The following DENND2B variants were observed in gnomAD, a reference collection of about 807,000 sequenced individuals.
The protein encoded by DENND2B is DENN domain containing 2B.
A neutral mutation model predicts 116.0 loss-of-function variants in DENND2B; 32 were observed. That is an observed-to-expected ratio of 0.28 (90% CI 0.21 to 0.37). DENND2B has a LOEUF of 0.37. DENND2B is among the 10% of genes least tolerant of loss of function. The probability of loss-of-function intolerance (pLI) is 1.00; values close to 1 mark genes in which losing one functional copy is unlikely to be tolerated. For missense variants in DENND2B, 1,276 were observed against 1,477.7 expected (o/e 0.86, Z 2.24); for synonymous variants, 588 against 583.9 (o/e 1.01, Z -0.10).
upstream of DENND2B, among the ~76,000 whole-genome samples, chr11:8,815,478 G>GT (rs1257802061): frequency 1.3e-5 from 2 of 152,044 alleles, no homozygotes; most frequent in Admixed American, 1.3e-4. Context: ...CCCGATTACA[G>GT]GCACAACCAC....
upstream of DENND2B, among the ~76,000 whole-genome samples, chr11:8,873,379 A>G (rs1283020542): frequency 6.6e-6 from 1 of 152,234 alleles, no homozygotes; most frequent in Admixed American, 6.5e-5. Flanking sequence ...TAAGTTATGC[A>G]TGGAACTGTT....
Position 8,822,970 on chromosome 11 carries a change from C to T in DENND2B, c.-114-11635G>A, listed in dbSNP as rs2134551144. ...AGTATTGATCCCTGGAGATTAAGTACAAATCGCATCAAGAGACATCATTAC... is the reference window on the plus strand; with the variant it reads ...AGTATTGATCCCTGGAGATTAAGTATAAATCGCATCAAGAGACATCATTAC... On this transcript the variant is annotated intron_variant, in intron 4 of 6. Coordinates refer to the DENND2B transcript ENST00000524757. Among the ~76,000 whole-genome samples, 3 of 152,196 alleles carry T rather than the reference C, an allele frequency of 2.0e-5. No individual in the cohort carries two copies. The South Asian group carries it at 6.2e-4, about 32-fold the overall frequency.
chr11:8,906,256 G>C (rs957137964), intron 1 of DENND2B, among the ~76,000 whole-genome samples: 4 of 146,764 alleles, frequency 2.7e-5, no homozygotes, highest in Non-Finnish European at 6.0e-5. Flanking sequence ...CCCAGGCTGG[G>C]GTGCAGTGGC....
chr11:8,708,097 C>A, intron 11 of DENND2B: 1 of 1,429,490 alleles, frequency 7.0e-7, no homozygotes, highest in Non-Finnish European at 9.2e-7. Context: ...AGGCTCCACA[C>A]AGGCTCCACC....
At chr11:8,710,967 A>T (rs776857418) in intron 10 of DENND2B, 53 bp from the exon 11 acceptor site, 35 of 1,604,262 alleles carry the variant, frequency 2.2e-5, no homozygotes, top group Non-Finnish European at 2.9e-5. Flanking sequence ...CCTAGGAAAC[A>T]GCCCCCAAGA....
intron 1 of DENND2B, among the ~76,000 whole-genome samples, chr11:8,791,357 C>G (rs774570010): frequency 6.6e-6 from 1 of 152,066 alleles, no homozygotes; most frequent in Non-Finnish European, 1.5e-5. Context: ...CTGGTTGTAT[C>G]GTATATAGGA....
chr11:8,856,608 T>C (rs554481598), intron 3 of DENND2B, among the ~76,000 whole-genome samples: 8 of 152,134 alleles, frequency 5.3e-5, no homozygotes, highest in African/African-American at 1.9e-4. Context: ...GCAAGGTTGG[T>C]TGGAAGTCCC....
At chr11:8,792,033 CCG>C (rs2059427040) in intron 1 of DENND2B, among the ~76,000 whole-genome samples, 2 of 152,032 alleles carry the variant, frequency 1.3e-5, no homozygotes, top group African/African-American at 4.8e-5. Flanking sequence ...TGGTGAAACC[CCG>C]TCTCTACAAA....
chr11:8,694,083 C>T lies in DENND2B; in HGVS notation c.*13G>A, dbSNP rs951412681. 14 of 1,614,132 alleles carry T rather than the reference C, an allele frequency of 8.7e-6. No individual in the cohort carries two copies. The highest frequency in any genetic ancestry group is 1.7e-4 in the Middle Eastern group (1 of 6,050). On this transcript the variant is annotated 3_prime_UTR_variant, in exon 20 of 20. Coordinates refer to ENST00000313726, the MANE Select transcript of DENND2B (RefSeq NM_213618.2). ...CTCTGCAAGGCACTGGACTCTGCTA[C>T]TGAGAAGGAGGCTTAATTCTTCTTG... is the stretch of plus-strand genomic sequence containing the variant.
Position 8,702,567 on chromosome 11 carries a change from C to A in DENND2B, c.2720+5G>T. On this transcript the variant is annotated splice_donor_5th_base_variant and intron_variant, in intron 14 of 19. Transcript: ENST00000313726. The surrounding 1 kb of genome is among the most constrained non-coding windows in gnomAD (Gnocchi z 4.6). The stretch of plus-strand genomic sequence containing the variant: ...CTTCTGCTTTCTTGCCCGGCTGGGC[C>A]CTACCTGAGCTTATCTGCCACAAAA... 6.2e-7 allele frequency: 1 copy of A among 1,611,480 alleles called. No individual in the cohort carries two copies. The highest frequency in any genetic ancestry group is 1.3e-5 in the African/African-American group (1 of 75,058).
chr11:8,779,860 G>A (rs2058198062), intron 1 of DENND2B, among the ~76,000 whole-genome samples: 1 of 152,172 alleles, frequency 6.6e-6, no homozygotes, highest in South Asian at 2.1e-4. Context: ...TCCCTTGCAT[G>A]TCATGGAATG....
chr11:8,877,894 G>C (rs2063861795), intron 2 of DENND2B, among the ~76,000 whole-genome samples: 1 of 152,106 alleles, frequency 6.6e-6, no homozygotes, highest in Admixed American at 6.5e-5. Flanking sequence ...AGTTGTGTAA[G>C]CAAATTTAAA....
rs528846948 is a variant in DENND2B at position 8,748,629 on chromosome 11, G to A, written c.80+1992C>T. On this transcript the variant is annotated intron_variant, in intron 2 of 19. Coordinates refer to ENST00000313726, the MANE Select transcript of DENND2B (RefSeq NM_213618.2). ...GGCTCCCAGGAAAGAAAGGGGGGAG[G>A]GAAGGAAGGAGAGAAGCGGAAATGT... is the stretch of plus-strand genomic sequence containing the variant. Among the ~76,000 whole-genome samples, 208 of 152,270 alleles carry A rather than the reference G, an allele frequency of 1.4e-3. 1 individual carries two copies. The highest frequency in any genetic ancestry group is 4.7e-3 in the African/African-American group (196 of 41,536).
chr11:8,801,482 G>C (rs1233342365), intron 1 of DENND2B, among the ~76,000 whole-genome samples: 1 of 152,162 alleles, frequency 6.6e-6, no homozygotes. Flanking sequence ...TTCGAGACCA[G>C]CCTGAGTAAC....
intron 2 of DENND2B, among the ~76,000 whole-genome samples, chr11:8,867,050 T>C (rs1268784059): frequency 6.6e-6 from 1 of 152,218 alleles, no homozygotes; most frequent in African/African-American, 2.4e-5. Flanking sequence ...CAAACATCAC[T>C]TTTCTGCCTG....
chr11:8,764,049 C>A (rs957239176), intron 1 of DENND2B, among the ~76,000 whole-genome samples: 2 of 151,878 alleles, frequency 1.3e-5, no homozygotes, highest in African/African-American at 2.4e-5. Flanking sequence ...CATGGTGAAA[C>A]CCCGTCTCTA....
chr11:8,698,005 G>A (rs982249839), intron 16 of DENND2B: 4 of 417,434 alleles, frequency 9.6e-6, no homozygotes, highest in Non-Finnish European at 1.9e-5. Flanking sequence ...CAAGTATGGT[G>A]GCATGCACCT....
intron 1 of DENND2B, among the ~76,000 whole-genome samples, chr11:8,782,399 T>C (rs1458779730): frequency 6.6e-6 from 1 of 152,158 alleles, no homozygotes; most frequent in Non-Finnish European, 1.5e-5. Context: ...TGCAGAAAGC[T>C]TTAGTCATAT....
rs141343536 is a variant in DENND2B at position 8,718,409 on chromosome 11, C to T, written c.1478-517G>A. 7.7e-4 allele frequency: 1,173 copies of T among 1,530,232 alleles called. 8 individuals are homozygous for T. In the African/African-American group the frequency reaches 0.013, roughly 17 times the overall value. 94.8% of individuals were successfully genotyped at this position (1,530,232 alleles called of 1,614,324 possible). ...CACAGAACCGTAGGGAGCAGGGCTT[C>T]GCCAGGCCCCCTTCTCACCTACGAT... On this transcript the variant is annotated intron_variant, in intron 4 of 19. Coordinates refer to ENST00000313726, the MANE Select transcript of DENND2B (RefSeq NM_213618.2).
Sources: allele counts gnomAD v4.1 joint callset (sites outside exome capture counted in the v4.1 genomes callset), GRCh38; gene constraint gnomAD v4.1.1; non-coding constraint Gnocchi (gnomAD v3.1); transcripts MANE v1.5; gene names NCBI Gene and HGNC (gene_info 2026-07-23, HGNC 2026-07-21).